The following MTX2 variants were observed in gnomAD, a reference collection of about 807,000 sequenced individuals.
MTX2 encodes metaxin 2, also known as metaxin-2.
A neutral mutation model predicts 42.3 loss-of-function variants in MTX2; 35 were observed. That is an observed-to-expected ratio of 0.83 (90% CI 0.63 to 1.10). The LOEUF is 1.10. MTX2 is among the 50% of genes least tolerant of loss of function. MTX2 has a pLI of 0.00. For synonymous variants in MTX2, 119 were observed against 100.9 expected (o/e 1.18, Z -1.08); for missense variants, 307 against 304.1 (o/e 1.01, Z -0.07).
intron 1 of MTX2, among the ~76,000 whole-genome samples, chr2:176,282,599 G>C (rs931931653): frequency 1.3e-5 from 2 of 151,652 alleles, no homozygotes; most frequent in Non-Finnish European, 2.9e-5. Flanking sequence ...TATTTCTATA[G>C]GGCTTTATAC....
At chr2:176,296,749 C>A in intron 1 of MTX2, 111 bp from the exon 2 acceptor site, 2 of 1,096,362 alleles carry the variant, frequency 1.8e-6, no homozygotes, top group Admixed American at 1.7e-5. Flanking sequence ...ATAAGTCAAC[C>A]TTAGCAAATG....
At chr2:176,337,403 A>G (rs2105452234) in intron 9 of MTX2, 90 bp from the exon 10 acceptor site, 1 of 1,132,226 alleles carries the variant, frequency 8.8e-7, no homozygotes, top group African/African-American at 1.6e-5. Flanking sequence ...ACCTACGAGT[A>G]TGGGACCTGT....
Position 176,337,747 on chromosome 2 carries a change from A to G in MTX2, c.*83A>G. 7.7e-7 allele frequency: 1 copy of G among 1,293,784 alleles called. No homozygotes were observed. 80.1% of individuals were successfully genotyped at this position (1,293,784 alleles called of 1,614,324 possible). Reference sequence around the variant, plus strand: ...CATTAGATATTGGTGTCAGAATTTTAAAACCAAATTACTGCTTTTTGAAAC... The same window carrying G: ...CATTAGATATTGGTGTCAGAATTTTGAAACCAAATTACTGCTTTTTGAAAC... On this transcript the variant is annotated 3_prime_UTR_variant, in exon 10 of 10. Coordinates refer to ENST00000249442, the MANE Select transcript of MTX2 (RefSeq NM_006554.5).
chr2:176,287,978 C>G (rs1200808708), intron 1 of MTX2, among the ~76,000 whole-genome samples: 1 of 144,862 alleles, frequency 6.9e-6, no homozygotes, highest in African/African-American at 2.6e-5. Context: ...CATTTTCTTA[C>G]ATAAACACTG....
chr2:176,275,176 G>C (rs1692918138), intron 1 of MTX2, among the ~76,000 whole-genome samples: 1 of 152,114 alleles, frequency 6.6e-6, no homozygotes, highest in South Asian at 2.1e-4. Context: ...AATATGGAAA[G>C]AAATGGTAAG....
chr2:176,313,337 G>GCT lies in MTX2; in HGVS notation c.136-10046_136-10045dup, dbSNP rs1445943538. Among the ~76,000 whole-genome samples, 6 of 150,582 alleles carry GCT rather than the reference G, an allele frequency of 4.0e-5. No homozygotes were observed. The East Asian group carries it at 5.9e-4, about 15-fold the overall frequency. On this transcript the variant is annotated intron_variant, in intron 3 of 9. Transcript: ENST00000249442. The stretch of plus-strand genomic sequence containing the variant: ...CAGTTCCCAGGATTCTACCCAGAGA[G>GCT]CTCTCTCTCTGATCTTCTGCTCATT...
intron 1 of MTX2, among the ~76,000 whole-genome samples, chr2:176,273,890 TTTTG>T (rs1356870375): frequency 6.6e-6 from 1 of 150,492 alleles, no homozygotes; most frequent in Non-Finnish European, 1.5e-5. Context: ...TTTTTGTTTG[TTTTG>T]TTTTATTTTA....
In MTX2 at chr2:176,300,417, A is replaced by G. The variant is rs1225108602; in HGVS notation, c.135+2522A>G. On this transcript the variant is annotated intron_variant, in intron 3 of 9. Coordinates refer to ENST00000249442, the MANE Select transcript of MTX2 (RefSeq NM_006554.5). ...CAGTATATCCAAATATTATTTTAGTATGTAACCAATACATAATTTATTAAT... is the reference window on the plus strand; with the variant it reads ...CAGTATATCCAAATATTATTTTAGTGTGTAACCAATACATAATTTATTAAT... Among the ~76,000 whole-genome samples the G allele has an allele frequency of 2.0e-5, 3 of 152,124 alleles. No individual in the cohort carries two copies. In the South Asian group the frequency reaches 6.2e-4, roughly 31 times the overall value.
chr2:176,276,640 A>G (rs918423634), intron 1 of MTX2, among the ~76,000 whole-genome samples: 3 of 152,014 alleles, frequency 2.0e-5, no homozygotes, highest in African/African-American at 7.2e-5. Context: ...TGTTCAGTAC[A>G]TGTTAGTTTC....
chr2:176,271,974 T>G (rs1371237683), intron 1 of MTX2, among the ~76,000 whole-genome samples: 1 of 152,152 alleles, frequency 6.6e-6, no homozygotes, highest in Admixed American at 6.5e-5. Flanking sequence ...GTATTCACAA[T>G]AGCCAAGATA....
rs757852229 is a variant in MTX2 at position 176,297,873 on chromosome 2, A to G, written c.113A>G (p.Asn38Ser). 70 of 1,560,606 alleles carry G rather than the reference A, an allele frequency of 4.5e-5. No homozygotes were observed. The highest frequency in any genetic ancestry group is 5.8e-5 in the Non-Finnish European group (67 of 1,150,284). ...GGGGAGCAAATTTTACTTTCTGACA[A>G]TGCAGCTTCTCTTGCAGTGCAGGTA... is the stretch of plus-strand genomic sequence containing the variant. Reference protein sequence around the residue: ...LKGEQILLSDNAASLAVQAFL... With the variant: ...LKGEQILLSDSAASLAVQAFL... The change falls in exon 3 of 10, where the codon AAT becomes AGT. Residue 38 changes from asparagine (N) to serine (S), a missense_variant. By Grantham distance (46) the Asn-to-Ser change is conservative. Coordinates refer to ENST00000249442, the MANE Select transcript of MTX2 (RefSeq NM_006554.5).
Position 176,269,668 on chromosome 2 carries a change from A to G in MTX2, c.39A>G (p.Ala13=). Residue 13 remains alanine (A), a splice_region_variant and synonymous_variant, in exon 1 of 10, where the codon GCA becomes GCG. Coordinates refer to ENST00000249442, the MANE Select transcript of MTX2 (RefSeq NM_006554.5). The stretch of plus-strand genomic sequence containing the variant: ...CGGAAGCCTTCGTCTCCCAGATTGC[A>G]GGTAGCGCGGCTGGCCGCAGACCCA... ...LVAEAFVSQI[A]AAEPWPENAT... is the part of the protein sequence containing the mutation. 6.3e-7 allele frequency: 1 copy of G among 1,595,162 alleles called. No homozygotes were observed. Among genetic ancestry groups the G allele is most frequent in the Non-Finnish European group, 8.5e-7 (1 of 1,173,812 alleles).
chr2:176,269,518 C>G lies in MTX2; in HGVS notation c.-112C>G, dbSNP rs1010823307. On this transcript the variant is annotated 5_prime_UTR_variant, in exon 1 of 10. Transcript: ENST00000249442. ...TGCTGTTGGAGTGGGCTTTGCGAGT[C>G]TGAACGTTGGCGGGGCTAGGCTCGT... 8.1e-7 allele frequency: 1 copy of G among 1,238,120 alleles called. No homozygotes were observed. Among genetic ancestry groups the G allele is most frequent in the Non-Finnish European group, 1.1e-6 (1 of 914,958 alleles). The allele number at this position is 1,238,120 out of a possible 1,614,324, so 76.7% of individuals were successfully genotyped here.
At chr2:176,324,421 A>G (rs1684661843) in intron 4 of MTX2, among the ~76,000 whole-genome samples, 3 of 151,694 alleles carry the variant, frequency 2.0e-5, no homozygotes, top group Admixed American at 2.0e-4. Flanking sequence ...ACATTTCCAT[A>G]AAATAATTTC....
chr2:176,328,756 C>A, intron 6 of MTX2, 118 bp from the exon 7 acceptor site: 2 of 873,054 alleles, frequency 2.3e-6, no homozygotes, highest in Admixed American at 2.3e-5. Context: ...AAAAACAAAC[C>A]GCTACATGTG....
chr2:176,287,754 A>T (rs1208165429), intron 1 of MTX2, among the ~76,000 whole-genome samples: 1 of 152,084 alleles, frequency 6.6e-6, no homozygotes, highest in Non-Finnish European at 1.5e-5. Flanking sequence ...TGTGTCTAAT[A>T]CTTCTCTATT....
chr2:176,306,141 A>G (rs533361656), intron 3 of MTX2, among the ~76,000 whole-genome samples: 1 of 150,488 alleles, frequency 6.6e-6, no homozygotes, highest in East Asian at 2.0e-4. Flanking sequence ...TTCAATTCCC[A>G]TCTATGAGTG....
At chr2:176,309,670 C>G (rs1684247375) in intron 3 of MTX2, among the ~76,000 whole-genome samples, 1 of 143,448 alleles carries the variant, frequency 7.0e-6, no homozygotes, top group South Asian at 2.2e-4. Flanking sequence ...CTCTTTTGAT[C>G]TTTGTTGGTT....
At chr2:176,300,997 AACACTAG>A (rs1173728538) in intron 3 of MTX2, among the ~76,000 whole-genome samples, 1 of 152,144 alleles carries the variant, frequency 6.6e-6, no homozygotes, top group Admixed American at 6.6e-5. Context: ...AGTACCTGAA[AACACTAG>A]AGTAATTGAA....
Sources: allele counts gnomAD v4.1 joint callset (sites outside exome capture counted in the v4.1 genomes callset), GRCh38; gene constraint gnomAD v4.1.1; transcripts MANE v1.5; gene names NCBI Gene and HGNC (gene_info 2026-07-23, HGNC 2026-07-21).